Variants in VCAN observed in about 807,000 individuals in gnomAD.
VCAN encodes the protein versican core protein.
VCAN carries 44 observed loss-of-function variants against 245.5 expected under a neutral mutation model. The ratio of observed to expected loss-of-function variants is 0.18; its 90% CI spans 0.14 to 0.23. VCAN has a LOEUF of 0.23. Among genes scored for constraint, VCAN ranks in the 10% least tolerant of loss-of-function variants. The probability of loss-of-function intolerance (pLI) is 1.00; values close to 1 mark genes in which losing one functional copy is unlikely to be tolerated. For missense variants in VCAN, 3,793 were observed against 4,057.9 expected, an observed-to-expected ratio of 0.93 and a Z score of 1.77; for synonymous variants, 1,413 against 1,437.0, an observed-to-expected ratio of 0.98 and a Z score of 0.38.
intron 2 of VCAN, among the ~76,000 whole-genome samples, chr5:83,485,319 G>C (rs1744756676): frequency 6.6e-6 from 1 of 150,686 alleles, no homozygotes; most frequent in Non-Finnish European, 1.5e-5. Flanking sequence ...CAGGAGAATT[G>C]TTTGAACCCG....
At position 83,530,604 on chromosome 5, in the gene VCAN, G is replaced by A. The variant is rs556181132; in HGVS notation, c.4004-6403G>A. 3.9e-5 allele frequency among the ~76,000 whole-genome samples: 6 copies of A among 152,110 alleles called. No homozygotes were observed. The South Asian group carries it at 1.2e-3, about 32-fold the overall frequency. ...GCTGAAAAATTTATGCTTTAAAAAA[G>A]ACATTGCCTATTTTTGTCACTTTAG... On this transcript the variant is annotated intron_variant, in intron 7 of 14. Transcript: ENST00000265077.
At chr5:83,506,107 A>G (rs1745475161) in intron 5 of VCAN, among the ~76,000 whole-genome samples, 1 of 152,214 alleles carries the variant, frequency 6.6e-6, no homozygotes, top group Non-Finnish European at 1.5e-5. Context: ...GCTGCTGTGA[A>G]GGTCTCTGAC....
chr5:83,552,747 G>A (rs1400419941), intron 10 of VCAN, among the ~76,000 whole-genome samples: 1 of 152,044 alleles, frequency 6.6e-6, no homozygotes, highest in Non-Finnish European at 1.5e-5. Context: ...AAATCTTGAT[G>A]CATTTTCATT....
In VCAN at chr5:83,540,792, A is replaced by G. The variant is rs1226684088; in HGVS notation, c.7789A>G (p.Ile2597Val). Residue 2597 changes from isoleucine (I) to valine (V), a missense_variant, in exon 8 of 15, where the codon ATA becomes GTA. Physicochemically the swap from Ile to Val is conservative, Grantham distance 29. This residue lies in a region of VCAN where 3,182 missense variants were observed against 3,250.3 expected (regional missense o/e 0.98). Coordinates refer to ENST00000265077, the MANE Select transcript of VCAN (RefSeq NM_004385.5). The stretch of plus-strand genomic sequence containing the variant: ...AGACATTCTTGGAATGCAAACAGAT[A>G]TAGATACAGAGGTACCATCAGAACC... ...YEDILGMQTD[I>V]DTEVPSEPHD... 3.1e-6 allele frequency: 5 copies of G among 1,614,058 alleles called. No homozygotes were observed. The highest frequency in any genetic ancestry group is 2.5e-6 in the Non-Finnish European group (3 of 1,179,986).
At chr5:83,522,688 T>C (rs1304263584) in intron 7 of VCAN, among the ~76,000 whole-genome samples, 2 of 152,318 alleles carry the variant, frequency 1.3e-5, no homozygotes, top group African/African-American at 4.8e-5. Context: ...ACTATTAACC[T>C]TCAGTACTTA....
intron 9 of VCAN, among the ~76,000 whole-genome samples, chr5:83,547,201 G>T (rs1747260374): frequency 6.6e-6 from 1 of 152,192 alleles, no homozygotes; most frequent in Non-Finnish European, 1.5e-5. Flanking sequence ...AGAAGGTCCT[G>T]AGTTCAGGAT....
chr5:83,477,951 C>CT (rs55842421), intron 1 of VCAN, among the ~76,000 whole-genome samples: 8,110 of 138,982 alleles, frequency 0.058, 751 homozygotes, highest in African/African-American at 0.2. Flanking sequence ...TAATTTTTTT[C>CT]TTTTTTTTTT....
intron 5 of VCAN, among the ~76,000 whole-genome samples, chr5:83,511,651 T>A (rs1745663530): frequency 6.6e-6 from 1 of 152,076 alleles, no homozygotes; most frequent in African/African-American, 2.4e-5. Context: ...GAATTACTAT[T>A]TGATTTTAGG....
intron 9 of VCAN, 146 bp from the exon 10 acceptor site, chr5:83,547,825 A>G: frequency 1.4e-6 from 1 of 715,146 alleles, no homozygotes; most frequent in Non-Finnish European, 2.5e-6. Flanking sequence ...GCACGGACAT[A>G]CTTATGCTAA....
At chr5:83,578,550 TTTAAA>T (rs1287285236) in intron 13 of VCAN, among the ~76,000 whole-genome samples, 3 of 152,016 alleles carry the variant, frequency 2.0e-5, no homozygotes, top group Admixed American at 1.3e-4. Flanking sequence ...GAACCAAACA[TTTAAA>T]TTAAACCAAA....
chr5:83,524,277 G>C (rs189678738), intron 7 of VCAN, among the ~76,000 whole-genome samples: 1 of 152,240 alleles, frequency 6.6e-6, no homozygotes, highest in African/African-American at 2.4e-5. Flanking sequence ...GTGAGTTGTG[G>C]ACTTGATTCA....
chr5:83,553,245 C>T lies in VCAN; in HGVS notation c.9494-119C>T, dbSNP rs1020042209. ...GTCATCGTGACCAAATTTTATGAAT[C>T]AGTTACTTCAGGGACATTGCACAGA... is the stretch of plus-strand genomic sequence containing the variant. On this transcript the variant is annotated intron_variant, in intron 10 of 14. Transcript: ENST00000265077. 4 of 1,330,780 alleles carry T rather than the reference C, an allele frequency of 3.0e-6. No homozygotes were observed. The African/African-American group carries it at 5.8e-5, about 19-fold the overall frequency. The allele number at this position is 1,330,780 out of a possible 1,614,324, so 82.4% of individuals were successfully genotyped here. A position where few individuals can be genotyped will look rare whatever the true frequency, so the allele number is the denominator to read the frequency against.
chr5:83,534,610 T>G (rs1746637866), intron 7 of VCAN, among the ~76,000 whole-genome samples: 1 of 152,088 alleles, frequency 6.6e-6, no homozygotes, highest in South Asian at 2.1e-4. Context: ...AAGAGTTGCT[T>G]GCATGTAAAA....
intron 7 of VCAN, among the ~76,000 whole-genome samples, chr5:83,523,325 A>G (rs1442401668): frequency 2.0e-5 from 3 of 151,810 alleles, no homozygotes; most frequent in Non-Finnish European, 2.9e-5. Context: ...TTAATTTGCT[A>G]TATTTTCATT....
intron 5 of VCAN, among the ~76,000 whole-genome samples, chr5:83,509,634 G>T (rs1745592455): frequency 6.6e-6 from 1 of 152,198 alleles, no homozygotes; most frequent in Non-Finnish European, 1.5e-5. Flanking sequence ...CTCAGGAAAT[G>T]CAGGAAACTA....
intron 9 of VCAN, among the ~76,000 whole-genome samples, chr5:83,546,127 G>A (rs1032514183): frequency 4.6e-5 from 7 of 151,894 alleles, no homozygotes; most frequent in South Asian, 2.1e-4. Context: ...CCAGCCCAAC[G>A]TGCCTCGGCC....
At chr5:83,536,599 T>C (rs868198733) in intron 7 of VCAN, 1 of 155,440 alleles carries the variant, frequency 6.4e-6, no homozygotes, top group African/African-American at 2.4e-5. Context: ...AAGTAATTAA[T>C]TCTATATGAT....
chr5:83,535,416 T>G (rs901575058), intron 7 of VCAN, among the ~76,000 whole-genome samples: 1 of 152,132 alleles, frequency 6.6e-6, no homozygotes, highest in Non-Finnish European at 1.5e-5. Context: ...TTGTTTCTAT[T>G]AGAATAAAAG....
intron 2 of VCAN, among the ~76,000 whole-genome samples, chr5:83,486,185 C>A (rs1744786906): frequency 6.6e-6 from 1 of 152,128 alleles, no homozygotes. Context: ...TTCCCCTTGT[C>A]CCCTGTGCTG....
Sources: gnomAD v4.1 joint callset for allele counts (sites outside exome capture counted in the v4.1 genomes callset) on GRCh38, gnomAD v4.1.1 for gene constraint, gnomAD v4.1.1 regional missense constraint, MANE v1.5 for transcripts, NCBI Gene and HGNC (gene_info 2026-07-23, HGNC 2026-07-21) for gene names.